Variants in MBNL2 observed in about 807,000 individuals in gnomAD.
The protein encoded by MBNL2 is muscleblind like splicing regulator 2.
A neutral mutation model predicts 41.9 loss-of-function variants in MBNL2; 17 were observed. The ratio of observed to expected loss-of-function variants is 0.41; its 90% CI spans 0.28 to 0.61. The LOEUF is 0.61. Ranked by LOEUF, MBNL2 falls within the 20% of genes least tolerant of loss-of-function variation. The pLI is 0.35. For missense variants in MBNL2, 336 were observed against 505.6 expected (o/e 0.66, Z 3.22); for synonymous variants, 195 against 182.9 (o/e 1.07, Z -0.53).
chr13:97,190,747 G>A, the MBNL2 span, among the ~76,000 whole-genome samples: 7 of 152,080 alleles, frequency 4.6e-5, no homozygotes, highest in African/African-American at 1.7e-4. Flanking sequence ...GGATGACTCC[G>A]GTCATGGTGA....
chr13:97,304,272 G>T (rs114723983), intron 2 of MBNL2, among the ~76,000 whole-genome samples: 1,877 of 152,274 alleles, frequency 0.012, 37 homozygotes, highest in African/African-American at 0.043. Context: ...GTCACATATT[G>T]TATTTACCTA....
At chr13:97,236,594 G>A (rs2152800634) in intron 1 of MBNL2, among the ~76,000 whole-genome samples, 1 of 151,586 alleles carries the variant, frequency 6.6e-6, no homozygotes, top group South Asian at 2.1e-4. Context: ...TAAAGTTCGT[G>A]GGAAGGTAGT....
intron 2 of MBNL2, among the ~76,000 whole-genome samples, chr13:97,288,894 C>T (rs1318332838): frequency 6.6e-6 from 1 of 152,174 alleles, no homozygotes; most frequent in Non-Finnish European, 1.5e-5. Flanking sequence ...TCCTGCCTGA[C>T]CAAACAGCAT....
At chr13:97,276,557 AT>A in intron 2 of MBNL2, 148 bp downstream of exon 2, 1 of 732,322 alleles carries the variant, frequency 1.4e-6, no homozygotes, top group Non-Finnish European at 2.2e-6. Flanking sequence ...TTTCACTCAA[AT>A]TTTTTCATAT....
chr13:97,329,707 G>T (rs373084389), intron 2 of MBNL2, among the ~76,000 whole-genome samples: 1 of 304 alleles, frequency 3.3e-3, no homozygotes, highest in African/African-American at 0.016. Context: ...CACACATGCA[G>T]CACACATACA....
chr13:97,267,906 C>T (rs11841082), intron 1 of MBNL2, among the ~76,000 whole-genome samples: 1 of 152,190 alleles, frequency 6.6e-6, no homozygotes, highest in Admixed American at 6.5e-5. Flanking sequence ...AGCAGGATGC[C>T]TGGCACACAG....
chr13:97,385,903 T>G (rs1389741831), intron 8 of MBNL2, among the ~76,000 whole-genome samples: 1 of 152,226 alleles, frequency 6.6e-6, no homozygotes, highest in East Asian at 1.9e-4. Context: ...GCAGAGACTA[T>G]TTTGCTTTGA....
chr13:97,148,778 A>T, the MBNL2 span, among the ~76,000 whole-genome samples: 5 of 152,240 alleles, frequency 3.3e-5, no homozygotes, highest in Admixed American at 6.5e-5. Context: ...AATGTCGTTC[A>T]TAAGATGTGA....
chr13:97,178,646 A>G, the MBNL2 span, among the ~76,000 whole-genome samples: 25 of 152,328 alleles, frequency 1.6e-4, no homozygotes, highest in Middle Eastern at 3.4e-3. Context: ...CTATAGTCCC[A>G]GTACTTTGGG....
chr13:97,369,754 A>G (rs1038910553), intron 8 of MBNL2, among the ~76,000 whole-genome samples: 2 of 152,244 alleles, frequency 1.3e-5, no homozygotes, highest in African/African-American at 4.8e-5. Context: ...GGTGCCACCA[A>G]TAAAAGTTTT....
At chr13:97,245,741 C>T (rs1032549897) in intron 1 of MBNL2, among the ~76,000 whole-genome samples, 3 of 152,176 alleles carry the variant, frequency 2.0e-5, no homozygotes, top group East Asian at 1.9e-4. Context: ...TTGAGTCCAT[C>T]GAAATGGTAT....
intron 1 of MBNL2, among the ~76,000 whole-genome samples, chr13:97,274,017 C>T (rs1422266684): frequency 6.6e-6 from 1 of 151,656 alleles, no homozygotes; most frequent in African/African-American, 2.4e-5. Flanking sequence ...CCCAAGATCA[C>T]ACCACTGCAC....
intron 1 of MBNL2, among the ~76,000 whole-genome samples, chr13:97,266,690 C>T (rs1304413980): frequency 6.6e-6 from 1 of 152,088 alleles, no homozygotes; most frequent in Admixed American, 6.5e-5. Context: ...CAACATTGAG[C>T]CACTCACAGG....
rs901626661 is a variant in MBNL2 at position 97,392,118 on chromosome 13, TA to T, written c.*671del. 3.9e-5 allele frequency: 6 copies of T among 152,666 alleles called. No individual in the cohort carries two copies. The highest frequency in any genetic ancestry group is 9.6e-5 in the African/African-American group (4 of 41,468). 9.5% of individuals were successfully genotyped at this position (152,666 alleles called of 1,614,324 possible). Reference sequence around the variant, plus strand: ...CAAGTATATTTTTAAAGTTGTTTTATAAGAGAGACTTTGTAGAAGTGCCTAG... The same window carrying T: ...CAAGTATATTTTTAAAGTTGTTTTATAGAGAGACTTTGTAGAAGTGCCTAG... On this transcript the variant is annotated 3_prime_UTR_variant, in exon 9 of 9. Coordinates refer to ENST00000679496, the MANE Select transcript of MBNL2 (RefSeq NM_001382683.1).
intron 1 of MBNL2, among the ~76,000 whole-genome samples, chr13:97,235,907 C>T (rs1386006461): frequency 2.0e-5 from 3 of 152,068 alleles, no homozygotes; most frequent in Admixed American, 6.6e-5. Context: ...ACCATATGTT[C>T]AATACACTGT....
chr13:97,270,299 TATTA>T (rs1000037784), intron 1 of MBNL2, among the ~76,000 whole-genome samples: 7 of 152,350 alleles, frequency 4.6e-5, no homozygotes, highest in East Asian at 1.9e-4. Context: ...ATATTAAAAA[TATTA>T]ATTCAGTATG....
the MBNL2 span, among the ~76,000 whole-genome samples, chr13:97,198,194 A>G: frequency 6.6e-6 from 1 of 152,274 alleles, no homozygotes; most frequent in East Asian, 1.9e-4. Context: ...AATGTCATTC[A>G]ATCAGTTGAA....
the MBNL2 span, among the ~76,000 whole-genome samples, chr13:97,167,973 AT>A: frequency 6.6e-6 from 1 of 151,588 alleles, no homozygotes; most frequent in Admixed American, 6.6e-5. Flanking sequence ...ATATATATAT[AT>A]TTTTTTTTGA....
At chr13:97,270,325 A>G (rs891731067) in intron 1 of MBNL2, among the ~76,000 whole-genome samples, 1 of 152,216 alleles carries the variant, frequency 6.6e-6, no homozygotes, top group African/African-American at 2.4e-5. Context: ...AATAACTATG[A>G]AACAATCTTA....
Sources: gnomAD v4.1 joint callset for allele counts (sites outside exome capture counted in the v4.1 genomes callset) on GRCh38, gnomAD v4.1.1 for gene constraint, MANE v1.5 for transcripts, NCBI Gene and HGNC (gene_info 2026-07-23, HGNC 2026-07-21) for gene names.